Variants in FAM210A observed in about 807,000 individuals in gnomAD.
FAM210A encodes the protein mitochondrial inner membrane scaffold 1, also known as family with sequence similarity 210 member A.
Under a neutral mutation model 25.3 loss-of-function variants are expected in FAM210A, and 13 were observed. The ratio of observed to expected loss-of-function variants is 0.51; its 90% CI spans 0.33 to 0.82. FAM210A has a LOEUF of 0.82. FAM210A is among the 40% of genes least tolerant of loss of function. The pLI is 0.02. For synonymous variants in FAM210A, 125 were observed against 118.7 expected (o/e 1.05, Z -0.35); for missense variants, 319 against 323.2 (o/e 0.99, Z 0.10).
At chr18:13,723,309 C>A (rs1362150260) in intron 1 of FAM210A, among the ~76,000 whole-genome samples, 1 of 152,178 alleles carries the variant, frequency 6.6e-6, no homozygotes, top group African/African-American at 2.4e-5. Flanking sequence ...GCACTCTCAG[C>A]ACCCAAATTT....
intron 1 of FAM210A, among the ~76,000 whole-genome samples, chr18:13,719,324 C>G (rs570054320): frequency 1.3e-5 from 2 of 152,154 alleles, no homozygotes. Flanking sequence ...TAAAATACCA[C>G]GTTTAATTCA....
At chr18:13,697,126 G>C (rs1210584695) in intron 1 of FAM210A, among the ~76,000 whole-genome samples, 1 of 152,182 alleles carries the variant, frequency 6.6e-6, no homozygotes, top group African/African-American at 2.4e-5. Context: ...GTTTGGGTAA[G>C]TATACCCTAT....
chr18:13,703,326 G>T (rs916360087), intron 1 of FAM210A, among the ~76,000 whole-genome samples: 5 of 152,130 alleles, frequency 3.3e-5, no homozygotes, highest in African/African-American at 1.2e-4. Context: ...GGGAAACCTA[G>T]GAAGTATGGA....
intron 1 of FAM210A, 55 bp from the exon 2 acceptor site, chr18:13,682,160 T>C (rs971238245): frequency 6.0e-6 from 7 of 1,171,590 alleles, no homozygotes; most frequent in Non-Finnish European, 7.3e-6. Flanking sequence ...CCATTTTAAA[T>C]CAATTCATTT....
At chr18:13,693,975 A>G (rs2043671403) in intron 1 of FAM210A, among the ~76,000 whole-genome samples, 1 of 152,248 alleles carries the variant, frequency 6.6e-6, no homozygotes, top group African/African-American at 2.4e-5. Flanking sequence ...TTGTAGATTT[A>G]GAAAACCCCA....
At chr18:13,725,567 C>T (rs866420278) in intron 1 of FAM210A, among the ~76,000 whole-genome samples, 3 of 152,172 alleles carry the variant, frequency 2.0e-5, no homozygotes, top group Non-Finnish European at 2.9e-5. Context: ...AAGAGTAATT[C>T]AAGACGGATT....
chr18:13,677,200 G>A (rs1386184997), intron 2 of FAM210A, among the ~76,000 whole-genome samples: 3 of 151,588 alleles, frequency 2.0e-5, no homozygotes, highest in African/African-American at 4.8e-5. Context: ...TCAGCCTCCC[G>A]AGTAGCTGGG....
At chr18:13,674,051 T>G (rs2849336) in intron 2 of FAM210A, among the ~76,000 whole-genome samples, 7 of 148,374 alleles carry the variant, frequency 4.7e-5, no homozygotes, top group Non-Finnish European at 7.4e-5. Flanking sequence ...CTGGCTTCTT[T>G]ATTTCCAGTT....
intron 1 of FAM210A, among the ~76,000 whole-genome samples, chr18:13,703,487 C>A (rs1341020454): frequency 2.0e-5 from 3 of 152,180 alleles, no homozygotes; most frequent in African/African-American, 7.2e-5. Context: ...TCAGGGGACC[C>A]ATAAAAATGG....
intron 1 of FAM210A, among the ~76,000 whole-genome samples, chr18:13,725,660 A>G (rs1458335681): frequency 1.3e-5 from 2 of 152,168 alleles, no homozygotes; most frequent in Non-Finnish European, 2.9e-5. Flanking sequence ...TAATCTATCC[A>G]CAGGTAGTTT....
chr18:13,709,012 T>C (rs1185682486), intron 1 of FAM210A, among the ~76,000 whole-genome samples: 1 of 152,226 alleles, frequency 6.6e-6, no homozygotes, highest in African/African-American at 2.4e-5. Flanking sequence ...AGTAAAATAA[T>C]GCCAGCATAC....
intron 1 of FAM210A, among the ~76,000 whole-genome samples, chr18:13,693,401 A>T (rs148080270): frequency 0.014 from 2,163 of 152,346 alleles, 49 homozygotes; most frequent in African/African-American, 0.049. Flanking sequence ...TTATGAGGCC[A>T]ACATCATCCT....
chr18:13,679,988 T>C (rs2043537843), intron 2 of FAM210A, among the ~76,000 whole-genome samples: 3 of 152,196 alleles, frequency 2.0e-5, no homozygotes, highest in South Asian at 4.1e-4. Flanking sequence ...AATGAGAATC[T>C]CATATTCAAT....
chr18:13,700,985 A>G (rs528053332), intron 1 of FAM210A, among the ~76,000 whole-genome samples: 2 of 152,296 alleles, frequency 1.3e-5, no homozygotes, highest in East Asian at 1.9e-4. Context: ...ACGTGGCTAC[A>G]TGGGAGTCTC....
intron 1 of FAM210A, among the ~76,000 whole-genome samples, chr18:13,690,943 A>G (rs1174498721): frequency 6.6e-6 from 1 of 152,172 alleles, no homozygotes; most frequent in Non-Finnish European, 1.5e-5. Context: ...ACGATCGGTA[A>G]TAACAAACTT....
intron 1 of FAM210A, among the ~76,000 whole-genome samples, chr18:13,684,636 C>A (rs1351913998): frequency 2.6e-5 from 4 of 152,158 alleles, no homozygotes; most frequent in East Asian, 3.9e-4. Context: ...CGGTCAACAA[C>A]CTTGATAAAC....
intron 1 of FAM210A, among the ~76,000 whole-genome samples, chr18:13,704,660 A>C (rs1489161432): frequency 6.6e-6 from 1 of 152,216 alleles, no homozygotes; most frequent in African/African-American, 2.4e-5. Flanking sequence ...GGATTATTTG[A>C]CATGTTAAGT....
intron 1 of FAM210A, among the ~76,000 whole-genome samples, chr18:13,726,082 GCAAGATTT>G (rs1376378934): frequency 6.6e-6 from 1 of 152,130 alleles, no homozygotes; most frequent in Non-Finnish European, 1.5e-5. Flanking sequence ...CAGTCCCAAA[GCAAGATTT>G]GCCAGGACAC....
intron 2 of FAM210A, among the ~76,000 whole-genome samples, 178 bp from the exon 3 acceptor site, chr18:13,672,151 C>CA (rs2043448628): frequency 6.6e-6 from 1 of 152,174 alleles, no homozygotes; most frequent in South Asian, 2.1e-4. Flanking sequence ...GTACAATATG[C>CA]AACATGCACA....
Sources: allele counts gnomAD v4.1 joint callset (sites outside exome capture counted in the v4.1 genomes callset), GRCh38; gene constraint gnomAD v4.1.1; transcripts MANE v1.5; gene names NCBI Gene and HGNC (gene_info 2026-07-23, HGNC 2026-07-21).